The following CXADR variants were observed in gnomAD, a reference collection of about 807,000 sequenced individuals.
CXADR encodes the protein coxsackievirus and adenovirus receptor.
CXADR carries 20 observed loss-of-function variants against 40.3 expected under a neutral mutation model. The observed-to-expected ratio is 0.50, with a 90% CI of 0.35 to 0.72. The LOEUF is 0.72. Among genes scored for constraint, CXADR ranks in the 30% least tolerant of loss-of-function variants. The pLI, the probability that CXADR is intolerant of heterozygous loss-of-function variation, is 0.01. For synonymous variants in CXADR, 150 were observed against 161.3 expected (o/e 0.93, Z 0.53); for missense variants, 332 against 449.1 (o/e 0.74, Z 2.36).
chr21:17,631,123 C>G, the CXADR span, among the ~76,000 whole-genome samples: 1 of 152,112 alleles, frequency 6.6e-6, no homozygotes, highest in African/African-American at 2.4e-5. Context: ...ATGTATTGAA[C>G]CTACTAAATA....
intron 1 of CXADR, among the ~76,000 whole-genome samples, chr21:17,545,072 G>GGT (rs1483538534): frequency 6.9e-4 from 38 of 55,448 alleles, no homozygotes; most frequent in Non-Finnish European, 9.5e-4. Context: ...GCTCTAATGT[G>GGT]TTTTTTTTTT....
downstream of CXADR, chr21:17,593,799 C>T (rs751383282): frequency 6.0e-5 from 19 of 314,980 alleles, no homozygotes; most frequent in Admixed American, 4.7e-5. Flanking sequence ...AAATCGTCCA[C>T]TTCTACAGTG....
chr21:17,536,969 G>A (rs2060766876), intron 1 of CXADR, among the ~76,000 whole-genome samples: 1 of 152,002 alleles, frequency 6.6e-6, no homozygotes, highest in Non-Finnish European at 1.5e-5. Flanking sequence ...TGTTGGCCAG[G>A]CTGGTCTCAA....
At chr21:17,610,919 A>G in the CXADR span, among the ~76,000 whole-genome samples, 1 of 151,870 alleles carries the variant, frequency 6.6e-6, no homozygotes, top group East Asian at 1.9e-4. Context: ...TCACTGTGAA[A>G]TAAATTCTAC....
At chr21:17,557,269 C>T (rs936968350) in intron 3 of CXADR, among the ~76,000 whole-genome samples, 9 of 152,166 alleles carry the variant, frequency 5.9e-5, no homozygotes, top group African/African-American at 1.9e-4. Context: ...GCTGTCTTTT[C>T]TAGTGTTGCC....
chr21:17,569,910 A>C lies in CXADR; in HGVS notation c.*4218A>C. On this transcript the variant is annotated 3_prime_UTR_variant, in exon 7 of 7. Transcript: ENST00000284878. ...AAATACACCTGTACTACTGAGGAAAATATTCTGACACTTCACGTGTGCAAA... is the reference window on the plus strand; with the variant it reads ...AAATACACCTGTACTACTGAGGAAACTATTCTGACACTTCACGTGTGCAAA... 1 of 985,386 alleles carries C rather than the reference A, an allele frequency of 1.0e-6. No homozygotes were observed. The highest frequency in any genetic ancestry group is 1.2e-6 in the Non-Finnish European group (1 of 829,908). The allele number at this position is 985,386 out of a possible 1,614,324, so 61.0% of individuals were successfully genotyped here.
intron 7 of CXADR, among the ~76,000 whole-genome samples, chr21:17,578,341 G>A (rs2061336267): frequency 6.6e-6 from 1 of 152,236 alleles, no homozygotes; most frequent in South Asian, 2.1e-4. Flanking sequence ...GGTGTGAGGT[G>A]ATAAGTTCTG....
chr21:17,522,938 A>G (rs1279997666), intron 1 of CXADR, among the ~76,000 whole-genome samples: 4 of 152,228 alleles, frequency 2.6e-5, no homozygotes, highest in Admixed American at 1.3e-4. Context: ...TGGCATTTTC[A>G]GACACCAAAA....
chr21:17,594,622 T>G (rs2061480698), downstream of CXADR, among the ~76,000 whole-genome samples: 1 of 152,116 alleles, frequency 6.6e-6, no homozygotes, highest in African/African-American at 2.4e-5. Flanking sequence ...TGGAAGCTTG[T>G]AAGGACATGC....
Position 17,547,009 on chromosome 21 carries a change from G to A in CXADR, c.44-18G>A. ...GCGTATAGCAAATGCTTAGTCCCTT[G>A]TACATTTCTTTCTCTAGATTTCGCC... On this transcript the variant is annotated intron_variant, in intron 1 of 6. Coordinates refer to ENST00000284878, the MANE Select transcript of CXADR (RefSeq NM_001338.5). The A allele has an allele frequency of 1.2e-6, 2 of 1,611,606 alleles. No homozygotes were observed. The highest frequency in any genetic ancestry group is 1.7e-6 in the Non-Finnish European group (2 of 1,179,634).
At chr21:17,600,878 C>A in the CXADR span, among the ~76,000 whole-genome samples, 2 of 152,026 alleles carry the variant, frequency 1.3e-5, no homozygotes, top group Non-Finnish European at 2.9e-5. Context: ...AAAGTTGCTA[C>A]AGGGGCTGGG....
intron 7 of CXADR, chr21:17,593,142 C>A (rs1245733291): frequency 1.4e-6 from 2 of 1,404,910 alleles, no homozygotes; most frequent in Admixed American, 5.8e-5. Flanking sequence ...CTCTTTTTTT[C>A]TTTTTGTAGT....
In CXADR at chr21:17,569,435, T is replaced by C; in HGVS notation, c.*3743T>C. On this transcript the variant is annotated 3_prime_UTR_variant, in exon 7 of 7. Coordinates refer to ENST00000284878, the MANE Select transcript of CXADR (RefSeq NM_001338.5). ...TAGTAGTGTAAATGTTCTGGGCAAG[T>C]TTTAATATTTTGAATGCCTTTGGAT... 1.0e-5 allele frequency: 10 copies of C among 985,036 alleles called. No homozygotes were observed. The highest frequency in any genetic ancestry group is 1.2e-5 in the Non-Finnish European group (10 of 829,858). 61.0% of individuals were successfully genotyped at this position (985,036 alleles called of 1,614,324 possible). A position where few individuals can be genotyped will look rare whatever the true frequency, so the allele number is the denominator to read the frequency against.
chr21:17,539,275 AATTATAAAAT>A (rs1412459947), intron 1 of CXADR, among the ~76,000 whole-genome samples: 1 of 152,148 alleles, frequency 6.6e-6, no homozygotes, highest in Non-Finnish European at 1.5e-5. Flanking sequence ...ATGTGGGTTG[AATTATAAAAT>A]TACCCCCATA....
chr21:17,586,457 GTTCTT>G (rs2061397327), intron 7 of CXADR, among the ~76,000 whole-genome samples: 1 of 146,880 alleles, frequency 6.8e-6, no homozygotes, highest in African/African-American at 2.5e-5. Flanking sequence ...TTTCCTCTCA[GTTCTT>G]TTATTTATTT....
chr21:17,609,385 TAA>T, the CXADR span, among the ~76,000 whole-genome samples: 1 of 152,198 alleles, frequency 6.6e-6, no homozygotes, highest in African/African-American at 2.4e-5. Context: ...AGAAATTCCA[TAA>T]AGATAGCACG....
intron 1 of CXADR, among the ~76,000 whole-genome samples, chr21:17,545,046 A>G (rs1187379927): frequency 1.7e-5 from 2 of 118,762 alleles, no homozygotes; most frequent in African/African-American, 3.0e-5. Flanking sequence ...CTTTGGATTG[A>G]TTTACTCCTA....
rs377715947 is a variant in CXADR at position 17,520,311 on chromosome 21, A to G, written c.43+7139A>G. On this transcript the variant is annotated intron_variant, in intron 1 of 6. Transcript: ENST00000284878. ...GACATAGAGATCTGAAGGGTTTGAT[A>G]TGTCTTGGGAGTTGAGTAGTTCAGT... 5.3e-5 allele frequency among the ~76,000 whole-genome samples: 8 copies of G among 152,296 alleles called. No individual in the cohort carries two copies. In the East Asian group the frequency reaches 1.2e-3, roughly 22 times the overall value.
In CXADR at chr21:17,583,237, A is replaced by G. The variant is rs1255673261; in HGVS notation, c.1018-9915A>G. ...GGGACATGATAAAGATGTGCTATAT[A>G]GTAGACCAGGAGAGCTTTATGAATG... On this transcript the variant is annotated intron_variant, in intron 7 of 7. Coordinates refer to the CXADR transcript ENST00000400169. Among the ~76,000 whole-genome samples the G allele has an allele frequency of 2.6e-5, 4 of 152,206 alleles. No individual in the cohort carries two copies. The East Asian group carries it at 5.8e-4, about 22-fold the overall frequency.
Sources: gnomAD v4.1 joint callset for allele counts (sites outside exome capture counted in the v4.1 genomes callset) on GRCh38, gnomAD v4.1.1 for gene constraint, MANE v1.5 for transcripts, NCBI Gene and HGNC (gene_info 2026-07-23, HGNC 2026-07-21) for gene names.